The following CSMD1 variants were observed in gnomAD, a reference collection of about 807,000 sequenced individuals.
CSMD1 encodes CUB and sushi domain-containing protein 1.
Under a neutral mutation model 417.5 loss-of-function variants are expected in CSMD1, and 213 were observed. The observed-to-expected ratio is 0.51, with a 90% CI of 0.46 to 0.57. The LOEUF is 0.57. CSMD1 is among the 20% of genes least tolerant of loss of function. CSMD1 has a pLI of 0.00. For missense variants in CSMD1, 6,923 were observed against 4,529.7 expected (o/e 1.53, Z -15.17); for synonymous variants, 2,862 against 1,736.8 (o/e 1.65, Z -16.11).
chr8:4,669,366 C>T (rs55926455), intron 1 of CSMD1, among the ~76,000 whole-genome samples: 2,160 of 152,232 alleles, frequency 0.014, 27 homozygotes, highest in Non-Finnish European at 0.021. Context: ...CCGTATTTCT[C>T]GATGAGATTT....
intron 3 of CSMD1, among the ~76,000 whole-genome samples, chr8:4,156,916 C>T (rs11993185): frequency 0.027 from 4,096 of 152,220 alleles, 202 homozygotes; most frequent in African/African-American, 0.094. Context: ...CCTCTCCGGA[C>T]ATTTGTGAGG....
intron 9 of CSMD1, among the ~76,000 whole-genome samples, chr8:3,581,009 G>A (rs114508142): frequency 0.036 from 5,453 of 152,118 alleles, 328 homozygotes; most frequent in African/African-American, 0.12. Context: ...TAGCTCACAG[G>A]TAACCACAGT....
chr8:4,339,714 G>A (rs903799278), intron 3 of CSMD1, among the ~76,000 whole-genome samples: 1 of 152,106 alleles, frequency 6.6e-6, no homozygotes, highest in African/African-American at 2.4e-5. Context: ...AGAAGAAAAT[G>A]AAAGAGGACG....
At chr8:4,391,277 T>C (rs1319960213) in intron 3 of CSMD1, among the ~76,000 whole-genome samples, 1 of 152,216 alleles carries the variant, frequency 6.6e-6, no homozygotes, top group East Asian at 1.9e-4. Context: ...TCACTCATCT[T>C]TGCCATTAAC....
rs76146316 is a variant in CSMD1 at position 3,402,773 on chromosome 8, C to G, written c.2267-3244G>C. 9.5e-4 allele frequency among the ~76,000 whole-genome samples: 145 copies of G among 152,210 alleles called. 1 individual carries two copies. Among genetic ancestry groups the G allele is most frequent in the African/African-American group, 3.3e-3 (139 of 41,562 alleles). On this transcript the variant is annotated intron_variant, in intron 15 of 69. Transcript: ENST00000635120. ...ATTTTATTGATATTAACAACTCACTCTTGCTTTAAATTGTTTATAACACTT... is the reference window on the plus strand; with the variant it reads ...ATTTTATTGATATTAACAACTCACTGTTGCTTTAAATTGTTTATAACACTT...
chr8:3,118,870 T>C (rs1240556200), intron 41 of CSMD1, among the ~76,000 whole-genome samples: 4 of 152,268 alleles, frequency 2.6e-5, no homozygotes, highest in African/African-American at 7.2e-5. Context: ...AAAAGGCATA[T>C]GATGTAAATT....
chr8:4,780,890 G>A (rs1585087839), intron 1 of CSMD1, among the ~76,000 whole-genome samples: 1 of 152,084 alleles, frequency 6.6e-6, no homozygotes. Flanking sequence ...CACTGAAAAC[G>A]CTGTTCATTC....
intron 5 of CSMD1, among the ~76,000 whole-genome samples, chr8:3,832,474 T>C (rs553494458): frequency 1.3e-5 from 2 of 152,342 alleles, no homozygotes; most frequent in South Asian, 4.1e-4. Context: ...TTGTTTCTTG[T>C]TCTAAATGTG....
intron 54 of CSMD1, among the ~76,000 whole-genome samples, chr8:2,979,905 G>A (rs1447501289): frequency 1.3e-5 from 2 of 152,224 alleles, no homozygotes; most frequent in Non-Finnish European, 2.9e-5. Flanking sequence ...TACAGGGCAT[G>A]TATCTGCAAT....
At chr8:4,225,990 G>A (rs1003061733) in intron 3 of CSMD1, among the ~76,000 whole-genome samples, 1 of 151,202 alleles carries the variant, frequency 6.6e-6, no homozygotes, top group Non-Finnish European at 1.5e-5. Flanking sequence ...AGTTCAAGAG[G>A]TATGTTAAAA....
chr8:4,225,994 G>A (rs1801328323), intron 3 of CSMD1, among the ~76,000 whole-genome samples: 1 of 151,512 alleles, frequency 6.6e-6, no homozygotes, highest in South Asian at 2.1e-4. Context: ...CAAGAGGTAT[G>A]TTAAAATAAA....
At chr8:3,131,407 A>C (rs1393271031) in intron 41 of CSMD1, among the ~76,000 whole-genome samples, 1 of 152,004 alleles carries the variant, frequency 6.6e-6, no homozygotes, top group African/African-American at 2.4e-5. Context: ...TATCTGCACT[A>C]AATGAAACAA....
intron 26 of CSMD1, among the ~76,000 whole-genome samples, chr8:3,239,212 G>A (rs113671557): frequency 0.066 from 10,006 of 152,118 alleles, 455 homozygotes; most frequent in Middle Eastern, 0.095. Context: ...ACTGAGGAGC[G>A]TAAGGGATAT....
chr8:3,764,852 T>C (rs1798187659), intron 5 of CSMD1, among the ~76,000 whole-genome samples: 1 of 151,616 alleles, frequency 6.6e-6, no homozygotes, highest in Admixed American at 6.6e-5. Context: ...GTTCAAGGGA[T>C]TCTCATGCCT....
intron 3 of CSMD1, among the ~76,000 whole-genome samples, chr8:4,282,884 C>T (rs1585154175): frequency 6.6e-6 from 1 of 152,150 alleles, no homozygotes; most frequent in East Asian, 1.9e-4. Flanking sequence ...TTATATTTTA[C>T]ATTAATGGTT....
At chr8:4,814,494 A>G (rs886426861) in intron 1 of CSMD1, among the ~76,000 whole-genome samples, 1 of 152,210 alleles carries the variant, frequency 6.6e-6, no homozygotes, top group African/African-American at 2.4e-5. Flanking sequence ...TGATCCACCC[A>G]CCTCGGCCTC....
chr8:2,975,130 G>C (rs556973974), intron 55 of CSMD1, among the ~76,000 whole-genome samples: 9 of 152,100 alleles, frequency 5.9e-5, no homozygotes, highest in Non-Finnish European at 1.0e-4. Flanking sequence ...TGAATAAGGG[G>C]CAGTCTAATA....
At chr8:3,809,934 A>C (rs980573706) in intron 5 of CSMD1, among the ~76,000 whole-genome samples, 2 of 152,108 alleles carry the variant, frequency 1.3e-5, no homozygotes, top group African/African-American at 4.8e-5. Context: ...CTTCATATAC[A>C]ACCAACATTT....
chr8:3,219,396 C>A lies in CSMD1; in HGVS notation c.4531G>T (p.Glu1511Ter). The change falls in exon 29 of 70, where the codon GAA (glutamate) becomes TAA (stop). Residue 1511 changes from glutamate (E) to a stop codon, truncating the protein, a stop_gained. Coordinates refer to ENST00000635120, the MANE Select transcript of CSMD1 (RefSeq NM_033225.6). LOFTEE classifies it high-confidence loss of function. ...CCAATGAGGGGGCTGTTGGAATCTT[C>A]CCCTTCATAGATGTGTAGGAAGTCA... ...SYDFLHIYEG[E>*]DSNSPLIGSY... The A allele has an allele frequency of 6.4e-7, 1 of 1,562,558 alleles. No individual in the cohort carries two copies. The highest frequency in any genetic ancestry group is 8.7e-7 in the Non-Finnish European group (1 of 1,153,640).
Sources: allele counts gnomAD v4.1 joint callset (sites outside exome capture counted in the v4.1 genomes callset), GRCh38; gene constraint gnomAD v4.1.1; transcripts MANE v1.5; gene names NCBI Gene and HGNC (gene_info 2026-07-23, HGNC 2026-07-21).